Variants in SLC25A42 observed in about 807,000 individuals in gnomAD.
SLC25A42 encodes solute carrier family 25 member 42.
SLC25A42 carries 19 observed loss-of-function variants against 34.7 expected under a neutral mutation model. The observed-to-expected ratio is 0.55, with a 90% CI of 0.38 to 0.80. SLC25A42 has a LOEUF of 0.80. Among genes scored for constraint, SLC25A42 ranks in the 30% least tolerant of loss-of-function variants. The probability of loss-of-function intolerance (pLI) is 0.00; values close to 1 mark genes in which losing one functional copy is unlikely to be tolerated. For missense variants in SLC25A42, 364 were observed against 441.3 expected (o/e 0.82, Z 1.57); for synonymous variants, 205 against 191.2 (o/e 1.07, Z -0.59).
At position 19,106,319 on chromosome 19, in the gene SLC25A42, C is replaced by CA; in HGVS notation, c.432dup (p.Ala145SerfsTer65). 1 of 1,613,646 alleles carries CA rather than the reference C, an allele frequency of 6.2e-7. No individual in the cohort carries two copies. The highest frequency in any genetic ancestry group is 8.5e-7 in the Non-Finnish European group (1 of 1,179,980). ...TTCGCCGGCGCACTGGCTGGAACGA[C>CA]AGCCGCTTCACTGACCTACCCCCTG... On this transcript the variant is annotated frameshift_variant, in exon 6 of 8. Coordinates refer to ENST00000318596, the MANE Select transcript of SLC25A42 (RefSeq NM_178526.5). LOFTEE classifies it high-confidence loss of function.
At chr19:19,084,338 C>T (rs2059696268) in intron 1 of SLC25A42, among the ~76,000 whole-genome samples, 1 of 152,218 alleles carries the variant, frequency 6.6e-6, no homozygotes, top group Non-Finnish European at 1.5e-5. Flanking sequence ...CCACCTGAGT[C>T]TTTGGGGCAA....
intron 2 of SLC25A42, among the ~76,000 whole-genome samples, chr19:19,100,945 G>A (rs1044938391): frequency 2.0e-5 from 3 of 152,316 alleles, no homozygotes; most frequent in African/African-American, 7.2e-5. Context: ...TCCCATGGCC[G>A]AGTCCACTGG....
At chr19:19,078,319 T>C (rs1599668460) in intron 1 of SLC25A42, among the ~76,000 whole-genome samples, 1 of 152,128 alleles carries the variant, frequency 6.6e-6, no homozygotes, top group Non-Finnish European at 1.5e-5. Context: ...AGCATGAAGG[T>C]GCGTATGCCT....
Position 19,107,886 on chromosome 19 carries a change from C to T in SLC25A42, c.498-8C>T, listed in dbSNP as rs2059841005. 1 of 1,613,852 alleles carries T rather than the reference C, an allele frequency of 6.2e-7. No individual in the cohort carries two copies. The highest frequency in any genetic ancestry group is 8.5e-7 in the Non-Finnish European group (1 of 1,179,966). ...AGTCCCACCTGCTGGGCTGCTCTGT[C>T]CTGGCAGGTACAGCAACATCTTTCA... is the stretch of plus-strand genomic sequence containing the variant. On this transcript the variant is annotated splice_polypyrimidine_tract_variant and splice_region_variant and intron_variant, in intron 6 of 7. Coordinates refer to ENST00000318596, the MANE Select transcript of SLC25A42 (RefSeq NM_178526.5).
chr19:19,096,282 C>T (rs2040027117), intron 2 of SLC25A42, 77 bp downstream of exon 2: 4 of 1,149,012 alleles, frequency 3.5e-6, no homozygotes, highest in Non-Finnish European at 1.3e-6. Flanking sequence ...GGCTCCCTGC[C>T]TCCTCCTCCC....
chr19:19,102,192 G>A (rs2059801064), intron 3 of SLC25A42, among the ~76,000 whole-genome samples: 1 of 151,772 alleles, frequency 6.6e-6, no homozygotes, highest in South Asian at 2.1e-4. Flanking sequence ...TGTATTTTTA[G>A]TAGAGACAGG....
chr19:19,108,035 C>A lies in SLC25A42; in HGVS notation c.639C>A (p.Ser213Arg). The A allele has an allele frequency of 6.3e-7, 1 of 1,588,294 alleles. No individual in the cohort carries two copies. The highest frequency in any genetic ancestry group is 8.6e-7 in the Non-Finnish European group (1 of 1,165,650). The stretch of plus-strand genomic sequence containing the variant: ...TCTTCACCTATGAGACGCTCAAGAG[C>A]TTGCACAGAGGTAAGGAGAGCTGGG... Reference protein sequence around the residue: ...LSFFTYETLKSLHREYSGRRQ... With the variant: ...LSFFTYETLKRLHREYSGRRQ... Residue 213 changes from serine (S) to arginine (R), a missense_variant, in exon 7 of 8, where the codon AGC (serine) becomes AGA (arginine). Physicochemically the swap from Ser to Arg is moderately radical, Grantham distance 110 (BLOSUM62 -1). Coordinates refer to ENST00000318596, the MANE Select transcript of SLC25A42 (RefSeq NM_178526.5).
At chr19:19,064,207 AC>A (rs770628497) in intron 1 of SLC25A42, 92 bp downstream of exon 1, 34 of 141,924 alleles carry the variant, frequency 2.4e-4, no homozygotes, top group Admixed American at 3.5e-4. Context: ...GAGGTTAAAG[AC>A]CCCCCCCAAC....
intron 1 of SLC25A42, among the ~76,000 whole-genome samples, chr19:19,083,678 TGGAGG>T (rs2059692109): frequency 6.6e-6 from 1 of 152,180 alleles, no homozygotes; most frequent in South Asian, 2.1e-4. Context: ...ACGAGTGTCG[TGGAGG>T]GAAGTCACAG....
chr19:19,095,858 G>A lies in SLC25A42; in HGVS notation c.-34-233G>A. The A allele has an allele frequency of 7.2e-6, 4 of 557,134 alleles. No homozygotes were observed. The South Asian group carries it at 7.3e-5, about 10-fold the overall frequency. 34.5% of individuals were successfully genotyped at this position (557,134 alleles called of 1,614,324 possible). On this transcript the variant is annotated intron_variant, in intron 1 of 7. Coordinates refer to ENST00000318596, the MANE Select transcript of SLC25A42 (RefSeq NM_178526.5). Reference sequence around the variant, plus strand: ...ACTTCTCTGAGCCTGTTTGCTCCCTGGGCACCAGATTTGGAAAAAGAACAG... The same window carrying A: ...ACTTCTCTGAGCCTGTTTGCTCCCTAGGCACCAGATTTGGAAAAAGAACAG...
At chr19:19,090,735 G>A (rs759156884) in intron 1 of SLC25A42, among the ~76,000 whole-genome samples, 1 of 152,186 alleles carries the variant, frequency 6.6e-6, no homozygotes, top group African/African-American at 2.4e-5. Context: ...TGTTTGTTCA[G>A]GTTCTTCTTG....
At chr19:19,089,622 C>A (rs944149540) in intron 1 of SLC25A42, among the ~76,000 whole-genome samples, 1 of 151,892 alleles carries the variant, frequency 6.6e-6, no homozygotes, top group Non-Finnish European at 1.5e-5. Flanking sequence ...AATCCCAGCA[C>A]TTTGGGAGGC....
chr19:19,083,388 T>C (rs2059690767), intron 1 of SLC25A42, among the ~76,000 whole-genome samples: 1 of 152,246 alleles, frequency 6.6e-6, no homozygotes, highest in Non-Finnish European at 1.5e-5. Context: ...ATTCATGGTG[T>C]CTAGGGTTTA....
At chr19:19,068,524 G>A (rs544839423) in intron 1 of SLC25A42, among the ~76,000 whole-genome samples, 5 of 151,712 alleles carry the variant, frequency 3.3e-5, no homozygotes, top group South Asian at 4.2e-4. Context: ...AAAATTAGCC[G>A]GGCATGTTGG....
At chr19:19,080,023 C>T (rs1379602246) in intron 1 of SLC25A42, among the ~76,000 whole-genome samples, 1 of 152,214 alleles carries the variant, frequency 6.6e-6, no homozygotes, top group Non-Finnish European at 1.5e-5. Context: ...TACAAGGACA[C>T]CAGTTTCTCC....
rs183601564 is a variant in SLC25A42, at chr19:19,087,947, T to C, written c.-34-8144T>C. On this transcript the variant is annotated intron_variant, in intron 1 of 7. Transcript: ENST00000318596. ...TGTGGGGTTGCTTAGGGAAGCACAATTGGCTTTCTCTGGTTGGTCCTAAGT... is the reference window on the plus strand; with the variant it reads ...TGTGGGGTTGCTTAGGGAAGCACAACTGGCTTTCTCTGGTTGGTCCTAAGT... Among the ~76,000 whole-genome samples the C allele has an allele frequency of 4.1e-3, 625 of 152,274 alleles. 7 individuals carry two copies. The highest frequency in any genetic ancestry group is 0.021 in the Middle Eastern group (6 of 292).
At chr19:19,101,243 T>G (rs1239783189) in intron 2 of SLC25A42, among the ~76,000 whole-genome samples, 1 of 152,102 alleles carries the variant, frequency 6.6e-6, no homozygotes, top group African/African-American at 2.4e-5. Context: ...TTGGCAGCCA[T>G]CATCAGTGTC....
intron 3 of SLC25A42, among the ~76,000 whole-genome samples, chr19:19,102,561 T>C (rs952735473): frequency 6.6e-6 from 1 of 151,650 alleles, no homozygotes; most frequent in Non-Finnish European, 1.5e-5. Context: ...CTAGCCAACA[T>C]GGTGAAACCC....
At chr19:19,103,917 T>TTTATTTATTTA (rs1427917761) in intron 3 of SLC25A42, among the ~76,000 whole-genome samples, 11 of 92,016 alleles carry the variant, frequency 1.2e-4, no homozygotes, top group African/African-American at 3.9e-4. Flanking sequence ...TATTTATTTA[T>TTTATTTATTTA]TTATTTAGAG....
Sources: gnomAD v4.1 joint callset for allele counts (sites outside exome capture counted in the v4.1 genomes callset) on GRCh38, gnomAD v4.1.1 for gene constraint, MANE v1.5 for transcripts, NCBI Gene and HGNC (gene_info 2026-07-23, HGNC 2026-07-21) for gene names.